Variants in DIXDC1 observed in about 807,000 individuals in gnomAD.
DIXDC1 encodes the protein dixin.
In DIXDC1, 64 loss-of-function variants were observed where a neutral mutation model predicts 103.1. The ratio of observed to expected loss-of-function variants is 0.62; its 90% CI spans 0.51 to 0.76. The LOEUF (loss-of-function observed/expected upper bound fraction) is 0.76, where lower values mean the gene tolerates loss of function less well. DIXDC1 is among the 30% of genes least tolerant of loss of function. DIXDC1 has a pLI of 0.00. For synonymous variants in DIXDC1, 266 were observed against 298.5 expected, an observed-to-expected ratio of 0.89 and a Z score of 1.12; for missense variants, 759 against 834.2, an observed-to-expected ratio of 0.91 and a Z score of 1.11.
chr11:111,982,875 A>G (rs1252486000), intron 7 of DIXDC1, among the ~76,000 whole-genome samples: 1 of 152,238 alleles, frequency 6.6e-6, no homozygotes, highest in African/African-American at 2.4e-5. Flanking sequence ...TCTAGCAGGA[A>G]GAGTGTAAGA....
At chr11:111,946,111 A>ATT (rs782364929) in intron 1 of DIXDC1, among the ~76,000 whole-genome samples, 4 of 98,502 alleles carry the variant, frequency 4.1e-5, no homozygotes, top group African/African-American at 7.1e-5. Context: ...TAATTTTTGT[A>ATT]TTTTTTTTTT....
rs587649353 is a variant in DIXDC1, at chr11:111,961,501, A to T, written c.61-3048A>T. Among the ~76,000 whole-genome samples the T allele has an allele frequency of 3.5e-4, 54 of 152,344 alleles. No homozygotes were observed. The East Asian group carries it at 0.01, about 28-fold the overall frequency. ...AGCATTAGATAAAATGTGTTTAAAG[A>T]ACCTAGCATAGCTCTTGATACAAAG... On this transcript the variant is annotated intron_variant, in intron 1 of 19. Transcript: ENST00000440460.
intron 9 of DIXDC1, among the ~76,000 whole-genome samples, chr11:111,987,520 C>CT (rs1371171000): frequency 1.3e-5 from 2 of 152,074 alleles, no homozygotes; most frequent in Middle Eastern, 3.4e-3. Context: ...CCAGTACAGT[C>CT]TTTTTTTATA....
At chr11:111,957,702 C>T (rs587648815) in intron 1 of DIXDC1, among the ~76,000 whole-genome samples, 4 of 152,344 alleles carry the variant, frequency 2.6e-5, no homozygotes, top group South Asian at 4.1e-4. Flanking sequence ...AAAGACTGAG[C>T]AGCTGTTCCA....
chr11:111,946,594 C>T, intron 1 of DIXDC1: 1 of 205,792 alleles, frequency 4.9e-6, no homozygotes, highest in Non-Finnish European at 1.1e-5. Flanking sequence ...TTGCTGGCCT[C>T]AAGTGATCTG....
chr11:111,929,062 C>A (rs1300347077), intron 1 of DIXDC1, among the ~76,000 whole-genome samples: 2 of 152,096 alleles, frequency 1.3e-5, no homozygotes, highest in African/African-American at 4.8e-5. Context: ...GCCTGTAGTT[C>A]CAGCTACTCG....
In DIXDC1 at chr11:111,958,601, T is replaced by G. The variant is rs1456635600; in HGVS notation, c.61-5948T>G. Reference sequence around the variant, plus strand: ...GGGCAGCTCAGCGCTGGTCTACACGTGCCCCTTGGCACGTGGCAGGAGGCA... The same window carrying G: ...GGGCAGCTCAGCGCTGGTCTACACGGGCCCCTTGGCACGTGGCAGGAGGCA... On this transcript the variant is annotated intron_variant, in intron 1 of 19. Transcript: ENST00000440460. This position sits in a 1 kb window ranked among gnomAD's most constrained non-coding sequence, Gnocchi z 4.2. Among the ~76,000 whole-genome samples, 1 of 152,284 alleles carries G rather than the reference T, an allele frequency of 6.6e-6. No individual in the cohort carries two copies. Among genetic ancestry groups the G allele is most frequent in the South Asian group, 2.1e-4 (1 of 4,830 alleles).
chr11:111,945,043 A>G (rs1555169237), intron 1 of DIXDC1, among the ~76,000 whole-genome samples: 1 of 152,198 alleles, frequency 6.6e-6, no homozygotes, highest in Non-Finnish European at 1.5e-5. Context: ...TAGGAAGTGG[A>G]CGTTATTGAC....
At position 111,974,996 on chromosome 11, in the gene DIXDC1, T is replaced by C. The variant is rs587728012; in HGVS notation, c.656+13T>C. The stretch of plus-strand genomic sequence containing the variant: ...CCAGCTGCTCCAGGTAACTGTGGCC[T>C]CTGAAACCTGAATTCTGGAGGATTC... On this transcript the variant is annotated intron_variant, in intron 5 of 19. Coordinates refer to ENST00000440460, the MANE Select transcript of DIXDC1 (RefSeq NM_001037954.4). 1.6e-5 allele frequency: 26 copies of C among 1,605,632 alleles called. No homozygotes were observed. In the South Asian group the frequency reaches 2.7e-4, roughly 17 times the overall value.
Position 111,977,884 on chromosome 11 carries a change from G to A in DIXDC1, c.657-2853G>A. 1 of 1,449,794 alleles carries A rather than the reference G, an allele frequency of 6.9e-7. No individual in the cohort carries two copies. Among genetic ancestry groups the A allele is most frequent in the Non-Finnish European group, 9.1e-7 (1 of 1,095,392 alleles). 89.8% of individuals were successfully genotyped at this position (1,449,794 alleles called of 1,614,324 possible). A position where few individuals can be genotyped will look rare whatever the true frequency, so the allele number is the denominator to read the frequency against. ...GGATGCTGTTGGCCGGAGACAGGCG[G>A]GGTGGTGGGAGCATTATGTTGGGAG... On this transcript the variant is annotated intron_variant, in intron 5 of 19. Transcript: ENST00000440460. This position sits in a 1 kb window ranked among gnomAD's most constrained non-coding sequence, Gnocchi z 6.1.
rs782297945 is a variant in DIXDC1, at chr11:111,980,821, T to A, written c.741T>A (p.Ile247=). 2.5e-6 allele frequency: 4 copies of A among 1,613,950 alleles called. No individual in the cohort carries two copies. Among genetic ancestry groups the A allele is most frequent in the Non-Finnish European group, 3.4e-6 (4 of 1,179,848 alleles). ...AAGAGAAGGCAGATTTTGTGATTAT[T>A]CCCGCTGAAGGAATAGAGAACAGAA... ...QSEEKADFVI[I]PAEGIENRTE... The change falls in exon 6 of 20, where the codon ATT becomes ATA. Residue 247 remains isoleucine (I), a synonymous_variant. Transcript: ENST00000440460.
intron 3 of DIXDC1, among the ~76,000 whole-genome samples, chr11:111,970,080 G>C (rs887120538): frequency 1.3e-5 from 2 of 152,114 alleles, no homozygotes; most frequent in Non-Finnish European, 2.9e-5. Context: ...TTTTGAGATA[G>C]AGTTTTGCTT....
intron 1 of DIXDC1, among the ~76,000 whole-genome samples, chr11:111,963,387 A>C (rs1228341903): frequency 6.6e-6 from 1 of 152,196 alleles, no homozygotes; most frequent in Admixed American, 6.5e-5. Context: ...TTGTCTTAGC[A>C]CTGTCTTCCA....
At position 111,958,856 on chromosome 11, in the gene DIXDC1, G is replaced by A. The variant is rs1343881481; in HGVS notation, c.61-5693G>A. On this transcript the variant is annotated intron_variant, in intron 1 of 19. Transcript: ENST00000440460. The surrounding 1 kb of genome is among the most constrained non-coding windows in gnomAD (Gnocchi z 4.2). ...AACCAGACTTGGAAAATGATGGGACGACCTGCCTGCGGAGAGGAGCTACCC... is the reference window on the plus strand; with the variant it reads ...AACCAGACTTGGAAAATGATGGGACAACCTGCCTGCGGAGAGGAGCTACCC... 3.9e-5 allele frequency among the ~76,000 whole-genome samples: 6 copies of A among 152,162 alleles called. No homozygotes were observed. The highest frequency in any genetic ancestry group is 2.1e-4 in the South Asian group (1 of 4,830).
Position 112,002,758 on chromosome 11 carries a change from A to G in DIXDC1, c.1756+6612A>G, listed in dbSNP as rs202002764. ...AGCTGTGATTGTGCCACTGCATTCC[A>G]GAGTGAGATCCTGTCTCAAAAACAA... On this transcript the variant is annotated intron_variant, in intron 17 of 19. Coordinates refer to ENST00000440460, the MANE Select transcript of DIXDC1 (RefSeq NM_001037954.4). Among the ~76,000 whole-genome samples the G allele has an allele frequency of 7.2e-5, 11 of 152,262 alleles. No individual in the cohort carries two copies. The East Asian group carries it at 7.7e-4, about 11-fold the overall frequency.
chr11:111,965,860 A>G (rs1272683607), intron 2 of DIXDC1, among the ~76,000 whole-genome samples: 2 of 152,212 alleles, frequency 1.3e-5, no homozygotes, highest in Non-Finnish European at 2.9e-5. Flanking sequence ...CAACTTTACA[A>G]AGTCACATAA....
At chr11:111,983,046 G>A (rs1860369640) in intron 7 of DIXDC1, among the ~76,000 whole-genome samples, 1 of 152,214 alleles carries the variant, frequency 6.6e-6, no homozygotes, top group South Asian at 2.1e-4. Context: ...TGCCAGCTCG[G>A]CAAATCTACC....
intron 16 of DIXDC1, 106 bp from the exon 17 acceptor site, chr11:111,995,974 A>G (rs1555175356): frequency 1.1e-6 from 1 of 941,900 alleles, no homozygotes; most frequent in Non-Finnish European, 1.7e-6. Context: ...TGTGGAAGAG[A>G]TGGTAGAAAA....
At position 111,985,696 on chromosome 11, in the gene DIXDC1, C is replaced by T. The variant is rs115011729; in HGVS notation, c.1008+375C>T. ...CATGTGTCTTAAACATTAACCTGGG[C>T]GGTAGTATCTGCCTCCAGTTCTTCA... On this transcript the variant is annotated intron_variant, in intron 8 of 19. Coordinates refer to ENST00000440460, the MANE Select transcript of DIXDC1 (RefSeq NM_001037954.4). 9.9e-3 allele frequency among the ~76,000 whole-genome samples: 1,508 copies of T among 152,058 alleles called. 31 individuals are homozygous for T. The highest frequency in any genetic ancestry group is 0.034 in the African/African-American group (1,412 of 41,458).
Sources: allele counts gnomAD v4.1 joint callset (sites outside exome capture counted in the v4.1 genomes callset), GRCh38; gene constraint gnomAD v4.1.1; non-coding constraint Gnocchi (gnomAD v3.1); transcripts MANE v1.5; gene names NCBI Gene and HGNC (gene_info 2026-07-23, HGNC 2026-07-21).